The following PRR5L variants were observed in gnomAD, a reference collection of about 807,000 sequenced individuals.
PRR5L encodes proline rich 5 like.
A neutral mutation model predicts 36.4 loss-of-function variants in PRR5L; 21 were observed. That is an observed-to-expected ratio of 0.58 (90% confidence interval 0.41 to 0.83). The LOEUF (loss-of-function observed/expected upper bound fraction) is 0.83. Among genes scored for constraint, PRR5L ranks in the 40% least tolerant of loss-of-function variants. PRR5L has a pLI of 0.00. For synonymous variants in PRR5L, 188 were observed against 197.0 expected, an observed-to-expected ratio of 0.95 and a Z score of 0.38; for missense variants, 381 against 473.3, an observed-to-expected ratio of 0.80 and a Z score of 1.81.
intron 3 of PRR5L, among the ~76,000 whole-genome samples, chr11:36,417,150 C>T (rs1201940756): frequency 6.6e-6 from 1 of 152,176 alleles, no homozygotes; most frequent in East Asian, 1.9e-4. Flanking sequence ...ACATTAGTCC[C>T]TCAGCATCAT....
intron 4 of PRR5L, among the ~76,000 whole-genome samples, chr11:36,431,354 C>G (rs758771715): frequency 6.6e-6 from 1 of 152,206 alleles, no homozygotes; most frequent in Non-Finnish European, 1.5e-5. Context: ...TCTCTTTCCA[C>G]AATTTCCCAT....
intron 1 of PRR5L, chr11:36,376,839 G>A (rs1857272223): frequency 3.2e-6 from 2 of 626,166 alleles, no homozygotes; most frequent in Admixed American, 1.3e-4. Context: ...AGGGAAAAGT[G>A]TCACGTTTGG....
chr11:36,323,059 C>T (rs188991119), intron 1 of PRR5L, among the ~76,000 whole-genome samples: 69 of 152,274 alleles, frequency 4.5e-4, no homozygotes, highest in Non-Finnish European at 8.1e-4. Context: ...GCCCCCATAA[C>T]TGACAGAGGA....
intron 1 of PRR5L, chr11:36,380,465 A>G (rs540642255): frequency 6.6e-6 from 1 of 152,196 alleles, no homozygotes; most frequent in South Asian, 2.1e-4. Flanking sequence ...TGGCCCTTTG[A>G]GGTTCCAGTC....
chr11:36,379,616 A>G (rs1373495445), intron 1 of PRR5L: 1 of 152,252 alleles, frequency 6.6e-6, no homozygotes, highest in African/African-American at 2.4e-5. Context: ...TGGATTTTGT[A>G]CAGAATATTA....
intron 3 of PRR5L, among the ~76,000 whole-genome samples, chr11:36,408,864 G>A (rs1232337765): frequency 1.3e-5 from 2 of 152,154 alleles, no homozygotes; most frequent in Non-Finnish European, 2.9e-5. Flanking sequence ...GTTCTTATAA[G>A]TGCTTTCAGT....
At chr11:36,415,269 T>G (rs11033608) in intron 3 of PRR5L, among the ~76,000 whole-genome samples, 16,934 of 152,108 alleles carry the variant, frequency 0.11, 1,065 homozygotes, top group African/African-American at 0.17. Context: ...CTAGACTGGG[T>G]TCTGGTGATG....
chr11:36,326,841 T>G (rs536137967), intron 1 of PRR5L, among the ~76,000 whole-genome samples: 23 of 152,222 alleles, frequency 1.5e-4, no homozygotes, highest in Non-Finnish European at 2.9e-4. Context: ...AATATCATGG[T>G]AAGTGGTTGT....
chr11:36,424,162 C>G (rs1564944779), intron 4 of PRR5L, among the ~76,000 whole-genome samples: 1 of 152,196 alleles, frequency 6.6e-6, no homozygotes, highest in Non-Finnish European at 1.5e-5. Flanking sequence ...AATAGGCTTG[C>G]AGAAGTGGCA....
intron 1 of PRR5L, chr11:36,362,058 C>A (rs201110812): frequency 8.4e-4 from 100 of 119,238 alleles, no homozygotes; most frequent in Admixed American, 9.4e-4. Context: ...ACATAAAAGG[C>A]AAAAAAAAAA....
rs780028411 is a variant in PRR5L, at chr11:36,451,300, G to T, written c.677G>T (p.Gly226Val). The change falls in exon 8 of 9, where the codon GGG (glycine) becomes GTG (valine). Residue 226 changes from glycine to valine, a missense_variant. Transcript: ENST00000530639. Reference protein sequence around the residue: ...QVVSPFLGISGDRSFSGPTYT... With the variant: ...QVVSPFLGISVDRSFSGPTYT... ...GTTTCTCCTTTCCTCGGCATCAGCG[G>T]GGACCGTAGCTTCTCAGGCCCCACG... 4.3e-6 allele frequency: 7 copies of T among 1,614,208 alleles called. No homozygotes were observed. Among genetic ancestry groups the T allele is most frequent in the Non-Finnish European group, 5.9e-6 (7 of 1,180,042 alleles).
rs1045708488 is a variant in PRR5L, at chr11:36,300,421, C to A, written c.-126+3983C>A. ...ATCACCAGGGCAGCACCAAGTCATT[C>A]ATGAAAGATCTGCCCCCGTGACCCA... On this transcript the variant is annotated intron_variant, in intron 1 of 8. Coordinates refer to ENST00000530639, the MANE Select transcript of PRR5L (RefSeq NM_001160167.2). Among the ~76,000 whole-genome samples the A allele has an allele frequency of 2.6e-5, 4 of 152,178 alleles. No homozygotes were observed. The East Asian group carries it at 7.7e-4, about 29-fold the overall frequency.
At chr11:36,376,684 C>T (rs995333260) in intron 1 of PRR5L, 2 of 990,224 alleles carry the variant, frequency 2.0e-6, no homozygotes, top group East Asian at 1.1e-4. Flanking sequence ...CGGGGTGATT[C>T]ACGCCGGGGA....
At chr11:36,449,924 C>G (rs1370933271) in intron 7 of PRR5L, among the ~76,000 whole-genome samples, 1 of 152,180 alleles carries the variant, frequency 6.6e-6, no homozygotes, top group Non-Finnish European at 1.5e-5. Context: ...TGGTCCCTCC[C>G]TGTTTAGCAG....
At position 36,343,549 on chromosome 11, in the gene PRR5L, A is replaced by C. The variant is rs151148950; in HGVS notation, c.-126+47111A>C. Among the ~76,000 whole-genome samples the C allele has an allele frequency of 6.6e-5, 10 of 152,318 alleles. No individual in the cohort carries two copies. The East Asian group carries it at 1.5e-3, about 24-fold the overall frequency. ...AAAGACTTCACTGAGCACGCAGTAA[A>C]GGCTGTAGGAACCACATTATTTCTG... On this transcript the variant is annotated intron_variant, in intron 1 of 8. Transcript: ENST00000530639.
intron 7 of PRR5L, among the ~76,000 whole-genome samples, chr11:36,446,731 T>C (rs1436704138): frequency 6.6e-6 from 1 of 152,170 alleles, no homozygotes; most frequent in Non-Finnish European, 1.5e-5. Flanking sequence ...TCTCCAGTGA[T>C]GCCAGGGAGC....
chr11:36,324,556 A>G (rs1319895723), intron 1 of PRR5L, among the ~76,000 whole-genome samples: 1 of 152,220 alleles, frequency 6.6e-6, no homozygotes, highest in Non-Finnish European at 1.5e-5. Flanking sequence ...TTGTAAGAAT[A>G]AATACACCTA....
chr11:36,388,381 G>C (rs541600010), intron 1 of PRR5L: 1 of 152,284 alleles, frequency 6.6e-6, no homozygotes, highest in South Asian at 2.1e-4. Flanking sequence ...TTCCTTTTGG[G>C]GAAAGGAGGT....
chr11:36,311,583 A>G (rs1028810797), intron 1 of PRR5L, among the ~76,000 whole-genome samples: 2 of 152,344 alleles, frequency 1.3e-5, no homozygotes, highest in South Asian at 2.1e-4. Context: ...TGCTCTATGT[A>G]TGGGGTTACC....
Sources: allele counts gnomAD v4.1 joint callset (sites outside exome capture counted in the v4.1 genomes callset), GRCh38; gene constraint gnomAD v4.1.1; transcripts MANE v1.5; gene names NCBI Gene and HGNC (gene_info 2026-07-23, HGNC 2026-07-21).